WWOX: variants seen among roughly 807,000 people sequenced by gnomAD.
WWOX encodes the protein WW domain-containing oxidoreductase.
WWOX carries 69 observed loss-of-function variants against 46.2 expected under a neutral mutation model. The observed-to-expected ratio is 1.49, with a 90% confidence interval of 1.23 to 1.82. The LOEUF (loss-of-function observed/expected upper bound fraction) is 1.82, where lower values mean the gene tolerates loss of function less well. WWOX is among the 40% of genes most tolerant of loss of function. WWOX has a pLI of 0.00. For missense variants in WWOX, 919 were observed against 542.6 expected (o/e 1.69, Z -6.89); for synonymous variants, 359 against 202.6 (o/e 1.77, Z -6.56).
chr16:78,444,869 A>G (rs2083522727), intron 8 of WWOX, among the ~76,000 whole-genome samples: 1 of 152,170 alleles, frequency 6.6e-6, no homozygotes, highest in African/African-American at 2.4e-5. Context: ...ATTTGACTTC[A>G]GGGAGAACTC....
chr16:79,156,418 C>G (rs118146810), intron 8 of WWOX, among the ~76,000 whole-genome samples: 323 of 152,324 alleles, frequency 2.1e-3, no homozygotes, highest in Non-Finnish European at 3.1e-3. Context: ...GCCTCAGCCT[C>G]CCAAAGTGCT....
intron 8 of WWOX, among the ~76,000 whole-genome samples, chr16:78,900,073 TTTTTTTC>T (rs2044791172): frequency 9.2e-6 from 1 of 108,238 alleles, no homozygotes; most frequent in African/African-American, 4.3e-5. Context: ...TTTTTTTTTT[TTTTTTTC>T]CTGCAGAGAG....
intron 5 of WWOX, among the ~76,000 whole-genome samples, chr16:78,262,321 A>T (rs927605751): frequency 6.6e-6 from 1 of 152,194 alleles, no homozygotes. Context: ...TCTCTGGTAG[A>T]TATAAAGTAT....
intron 5 of WWOX, among the ~76,000 whole-genome samples, chr16:78,215,711 T>C (rs1309982204): frequency 6.6e-6 from 1 of 152,110 alleles, no homozygotes; most frequent in African/African-American, 2.4e-5. Flanking sequence ...ATGGATCACT[T>C]GAGGTCAAGA....
chr16:78,957,589 C>T (rs887012538), intron 8 of WWOX, among the ~76,000 whole-genome samples: 3 of 152,298 alleles, frequency 2.0e-5, no homozygotes, highest in East Asian at 1.9e-4. Context: ...TGATTCATAA[C>T]TCAGTCACGT....
chr16:78,519,801 A>G (rs2043310742), intron 8 of WWOX, among the ~76,000 whole-genome samples: 1 of 152,094 alleles, frequency 6.6e-6, no homozygotes, highest in Admixed American at 6.6e-5. Context: ...ACCCAACACC[A>G]CATCTACTGG....
chr16:79,018,773 A>C (rs1015584153), intron 8 of WWOX, among the ~76,000 whole-genome samples: 8 of 152,302 alleles, frequency 5.3e-5, no homozygotes, highest in African/African-American at 1.7e-4. Context: ...GTTCTGTGCT[A>C]AATACAGTGC....
intron 1 of WWOX, among the ~76,000 whole-genome samples, chr16:78,101,756 C>G (rs1310470780): frequency 6.6e-6 from 1 of 152,184 alleles, no homozygotes; most frequent in East Asian, 1.9e-4. Context: ...GGAAAAACAA[C>G]CAAGTTCTGA....
intron 8 of WWOX, among the ~76,000 whole-genome samples, chr16:78,457,465 G>A (rs984488631): frequency 6.6e-6 from 1 of 152,254 alleles, no homozygotes; most frequent in Admixed American, 6.5e-5. Flanking sequence ...TCACCAATTG[G>A]TAGGTGGAAA....
chr16:78,766,486 G>A (rs1031275619), intron 8 of WWOX, among the ~76,000 whole-genome samples: 1 of 152,212 alleles, frequency 6.6e-6, no homozygotes, highest in East Asian at 1.9e-4. Flanking sequence ...TATTCAGGCA[G>A]CTGAGGCAGG....
At chr16:78,787,041 A>T (rs1229876984) in intron 8 of WWOX, among the ~76,000 whole-genome samples, 1 of 152,146 alleles carries the variant, frequency 6.6e-6, no homozygotes, top group African/African-American at 2.4e-5. Context: ...CCAGGTATTC[A>T]GGAGGCTGAG....
At chr16:79,121,288 G>C (rs2049625926) in intron 8 of WWOX, among the ~76,000 whole-genome samples, 1 of 152,202 alleles carries the variant, frequency 6.6e-6, no homozygotes, top group Non-Finnish European at 1.5e-5. Flanking sequence ...AATTACATGA[G>C]TACAGCATTT....
intron 8 of WWOX, among the ~76,000 whole-genome samples, chr16:78,814,039 T>A (rs969458892): frequency 3.3e-5 from 5 of 152,186 alleles, no homozygotes; most frequent in Non-Finnish European, 5.9e-5. Flanking sequence ...TTTCTTTCCT[T>A]GCTGAATATC....
At chr16:78,513,901 C>G (rs1877285) in intron 8 of WWOX, among the ~76,000 whole-genome samples, 83,495 of 134,526 alleles carry the variant, frequency 0.62, 27,756 homozygotes, top group Non-Finnish European at 0.71. Flanking sequence ...CACTCCCCCC[C>G]CCCCCACTTG....
At chr16:78,364,138 C>A (rs1230907393) in intron 5 of WWOX, among the ~76,000 whole-genome samples, 1 of 152,180 alleles carries the variant, frequency 6.6e-6, no homozygotes, top group Admixed American at 6.5e-5. Flanking sequence ...CTATCCGTAA[C>A]CCTCCTTTCC....
chr16:78,672,145 A>C (rs1182380941), intron 8 of WWOX, among the ~76,000 whole-genome samples: 1 of 152,208 alleles, frequency 6.6e-6, no homozygotes, highest in Non-Finnish European at 1.5e-5. Flanking sequence ...ATACCTTTAA[A>C]TGATTTTATT....
At chr16:78,989,686 G>T (rs1415759632) in intron 8 of WWOX, among the ~76,000 whole-genome samples, 1 of 152,098 alleles carries the variant, frequency 6.6e-6, no homozygotes, top group Non-Finnish European at 1.5e-5. Context: ...GGAGCAGAGA[G>T]CATGAGTAAG....
chr16:78,912,484 C>G (rs1486330899), intron 8 of WWOX, among the ~76,000 whole-genome samples: 1 of 151,932 alleles, frequency 6.6e-6, no homozygotes, highest in Non-Finnish European at 1.5e-5. Context: ...AACACGGGAT[C>G]TGTCAATTGC....
At chr16:78,325,139 G>A (rs938247996) in intron 5 of WWOX, among the ~76,000 whole-genome samples, 2 of 152,174 alleles carry the variant, frequency 1.3e-5, no homozygotes, top group Non-Finnish European at 2.9e-5. Flanking sequence ...AGCCTTTAAA[G>A]CTAGAAGGCA....
Sources: allele counts gnomAD v4.1 joint callset (sites outside exome capture counted in the v4.1 genomes callset), GRCh38; gene constraint gnomAD v4.1.1; transcripts MANE v1.5; gene names NCBI Gene and HGNC (gene_info 2026-07-23, HGNC 2026-07-21).